Variants in NTAQ1 observed in about 807,000 individuals in gnomAD.
NTAQ1 encodes the protein protein N-terminal glutamine amidohydrolase.
NTAQ1 carries 21 observed loss-of-function variants against 28.2 expected under a neutral mutation model. The observed-to-expected ratio is 0.74, with a 90% confidence interval of 0.53 to 1.07. The LOEUF (loss-of-function observed/expected upper bound fraction) is 1.07, where lower values mean the gene tolerates loss of function less well. NTAQ1 is among the 50% of genes least tolerant of loss of function. The pLI, the probability that NTAQ1 is intolerant of heterozygous loss-of-function variation, is 0.00. For synonymous variants in NTAQ1, 105 were observed against 90.0 expected (o/e 1.17, Z -0.94); for missense variants, 264 against 256.6 (o/e 1.03, Z -0.20).
downstream of NTAQ1, among the ~76,000 whole-genome samples, chr8:123,449,207 A>G (rs11987269): frequency 0.36 from 55,113 of 152,062 alleles, 10,105 homozygotes; most frequent in East Asian, 0.56. Flanking sequence ...AGCAGTACAC[A>G]CCATGACCAG....
At chr8:123,442,731 C>T (rs1339680319), downstream of NTAQ1, among the ~76,000 whole-genome samples, 39 of 147,528 alleles carry the variant, frequency 2.6e-4, no homozygotes, top group Middle Eastern at 0.012. Context: ...TGCAGCGGCA[C>T]GATCTCGGCT....
At chr8:123,438,350 A>G in intron 5 of NTAQ1, 1 of 577,132 alleles carries the variant, frequency 1.7e-6, no homozygotes, top group Non-Finnish European at 3.1e-6. Flanking sequence ...AAAATAGGGC[A>G]GTAGTGTTAG....
chr8:123,454,165 C>G (rs754169122), intron 6 of NTAQ1, among the ~76,000 whole-genome samples: 14 of 152,152 alleles, frequency 9.2e-5, no homozygotes, highest in Non-Finnish European at 1.9e-4. Context: ...CAGAACCTCC[C>G]TGAGTGGTTC....
chr8:123,423,679 C>T (rs1029191150), intron 1 of NTAQ1, among the ~76,000 whole-genome samples: 6 of 151,966 alleles, frequency 3.9e-5, no homozygotes, highest in African/African-American at 1.5e-4. Flanking sequence ...ACATGATATT[C>T]GTTATGCTCT....
downstream of NTAQ1, among the ~76,000 whole-genome samples, chr8:123,451,076 G>C (rs1815477503): frequency 6.6e-6 from 1 of 152,132 alleles, no homozygotes; most frequent in Admixed American, 6.5e-5. Flanking sequence ...CCCCCGTTAG[G>C]TTTCTTTTGG....
Position 123,437,296 on chromosome 8 carries a change from G to GA in NTAQ1, c.471dup (p.Glu158ArgfsTer10). ...ATGAAAGACTCCAGTGGGAATTGGA[G>GA]AGAGCCTCCGCCGCCATATCCCTGC... On this transcript the variant is annotated frameshift_variant, in exon 5 of 6. Transcript: ENST00000287387. LOFTEE classifies it high-confidence loss of function. 1 of 1,614,156 alleles carries GA rather than the reference G, an allele frequency of 6.2e-7. No individual in the cohort carries two copies. The highest frequency in any genetic ancestry group is 8.5e-7 in the Non-Finnish European group (1 of 1,180,006).
chr8:123,431,890 C>T (rs1814419533), intron 3 of NTAQ1, among the ~76,000 whole-genome samples: 1 of 152,198 alleles, frequency 6.6e-6, no homozygotes, highest in South Asian at 2.1e-4. Flanking sequence ...GGTCCGTGTG[C>T]ACGAGAAATC....
intron 5 of NTAQ1, chr8:123,438,373 G>T (rs1814849358): frequency 1.9e-6 from 1 of 528,770 alleles, no homozygotes; most frequent in Admixed American, 3.3e-5. Context: ...CTTCAACAAG[G>T]GTCTGAGCGT....
downstream of NTAQ1, among the ~76,000 whole-genome samples, chr8:123,451,056 T>C (rs1815476924): frequency 6.6e-6 from 1 of 152,220 alleles, no homozygotes; most frequent in Admixed American, 6.5e-5. Context: ...GCCCATTCCC[T>C]GTCCTGCTTC....
downstream of NTAQ1, among the ~76,000 whole-genome samples, chr8:123,473,369 C>T (rs1286849944): frequency 6.7e-6 from 1 of 150,216 alleles, no homozygotes; most frequent in Non-Finnish European, 1.5e-5. Flanking sequence ...GATCTTGGCT[C>T]ACTGCAACTT....
At chr8:123,461,633 G>A (rs561205000) in intron 6 of NTAQ1, among the ~76,000 whole-genome samples, 1 of 152,264 alleles carries the variant, frequency 6.6e-6, no homozygotes, top group Admixed American at 6.5e-5. Flanking sequence ...CTTTCCTGCA[G>A]GAGTCTGGCC....
At chr8:123,436,715 A>T in intron 4 of NTAQ1, 114 bp downstream of exon 4, 1 of 1,099,618 alleles carries the variant, frequency 9.1e-7, no homozygotes, top group East Asian at 2.5e-5. Flanking sequence ...TGACATCACC[A>T]TTGAGTTGAT....
chr8:123,432,587 A>G (rs1814461569), intron 3 of NTAQ1, among the ~76,000 whole-genome samples: 1 of 151,734 alleles, frequency 6.6e-6, no homozygotes, highest in African/African-American at 2.4e-5. Context: ...GTGAGCCGAG[A>G]TCATACCACT....
At chr8:123,429,369 T>G (rs546909710) in intron 2 of NTAQ1, among the ~76,000 whole-genome samples, 74 of 152,360 alleles carry the variant, frequency 4.9e-4, no homozygotes, top group African/African-American at 1.8e-3. Context: ...CCTTGATTTT[T>G]GCATGCTTAA....
chr8:123,419,994 T>G (rs1384713393), intron 1 of NTAQ1, among the ~76,000 whole-genome samples: 1 of 151,904 alleles, frequency 6.6e-6, no homozygotes, highest in Non-Finnish European at 1.5e-5. Context: ...GGGGGTTTGG[T>G]GTACAAATTA....
chr8:123,434,462 A>G (rs1372257441), intron 3 of NTAQ1, among the ~76,000 whole-genome samples: 1 of 152,104 alleles, frequency 6.6e-6, no homozygotes, highest in Non-Finnish European at 1.5e-5. Context: ...CCCCATCTCT[A>G]CTAAAAATAC....
At chr8:123,458,095 C>T (rs1377708346) in intron 6 of NTAQ1, among the ~76,000 whole-genome samples, 1 of 104,538 alleles carries the variant, frequency 9.6e-6, no homozygotes, top group South Asian at 4.2e-4. Flanking sequence ...CACTTCCCCT[C>T]ACTGTTTTTT....
chr8:123,452,160 A>G (rs1815516555), downstream of NTAQ1, among the ~76,000 whole-genome samples: 1 of 152,216 alleles, frequency 6.6e-6, no homozygotes, highest in Admixed American at 6.5e-5. Context: ...AGCTCACAGT[A>G]TACTTTTCCC....
chr8:123,437,067 A>T (rs1411719335), intron 4 of NTAQ1, 143 bp from the exon 5 acceptor site: 3 of 1,068,964 alleles, frequency 2.8e-6, no homozygotes, highest in Non-Finnish European at 4.0e-6. Flanking sequence ...TCTAATAGGT[A>T]GTAAAGTTGC....
Sources: gnomAD v4.1 joint callset for allele counts (sites outside exome capture counted in the v4.1 genomes callset) on GRCh38, gnomAD v4.1.1 for gene constraint, MANE v1.5 for transcripts, NCBI Gene and HGNC (gene_info 2026-07-23, HGNC 2026-07-21) for gene names.